The following COG5 variants were observed in gnomAD, a reference collection of about 807,000 sequenced individuals.
COG5 encodes conserved oligomeric Golgi complex subunit 5.
Under a neutral mutation model 110.4 loss-of-function variants are expected in COG5, and 86 were observed. That is an observed-to-expected ratio of 0.78 (90% CI 0.65 to 0.93). The LOEUF (loss-of-function observed/expected upper bound fraction) is 0.93, where lower values mean the gene tolerates loss of function less well. COG5 is among the 40% of genes least tolerant of loss of function. The pLI is 0.00. For synonymous variants in COG5, 360 were observed against 334.6 expected (o/e 1.08, Z -0.83); for missense variants, 1,077 against 987.0 (o/e 1.09, Z -1.22).
At position 107,298,122 on chromosome 7, in the gene COG5, G is replaced by A; in HGVS notation, c.1313+20C>T. The A allele has an allele frequency of 7.4e-7, 1 of 1,357,274 alleles. No individual in the cohort carries two copies. Among genetic ancestry groups the A allele is most frequent in the Non-Finnish European group, 1.0e-6 (1 of 994,644 alleles). The allele number at this position is 1,357,274 out of a possible 1,614,324, so 84.1% of individuals were successfully genotyped here. ...ATAAAATTAAGATGCCAACTAACAG[G>A]TCAAATTAAACAAACATACTCATAA... On this transcript the variant is annotated intron_variant, in intron 12 of 21. Coordinates refer to ENST00000297135, the MANE Select transcript of COG5 (RefSeq NM_006348.5).
At chr7:107,411,809 G>A (rs1269865056) in intron 7 of COG5, among the ~76,000 whole-genome samples, 3 of 152,122 alleles carry the variant, frequency 2.0e-5, no homozygotes, top group Non-Finnish European at 2.9e-5. Context: ...TGATTTAGAG[G>A]ATATGAAAAA....
intron 6 of COG5, among the ~76,000 whole-genome samples, chr7:107,482,908 C>T (rs554158207): frequency 7.2e-4 from 109 of 152,260 alleles, no homozygotes; most frequent in African/African-American, 2.6e-3. Flanking sequence ...TATTCTTGCA[C>T]ATTTTTGTTC....
At chr7:107,258,233 A>G (rs750645419) in intron 15 of COG5, 40 bp downstream of exon 15, 21 of 1,242,088 alleles carry the variant, frequency 1.7e-5, no homozygotes, top group Non-Finnish European at 2.4e-5. Flanking sequence ...GGCAAGAAGA[A>G]TTTAAAATTA....
chr7:107,454,621 A>G (rs999676569), intron 6 of COG5, among the ~76,000 whole-genome samples: 3 of 152,208 alleles, frequency 2.0e-5, no homozygotes, highest in African/African-American at 7.2e-5. Flanking sequence ...TTAAACCCAT[A>G]GTATCATAAG....
At chr7:107,336,389 A>C (rs1175893007) in intron 10 of COG5, among the ~76,000 whole-genome samples, 1 of 152,032 alleles carries the variant, frequency 6.6e-6, no homozygotes, top group African/African-American at 2.4e-5. Context: ...ATGCTGGAAA[A>C]AATCGAGGAG....
At chr7:107,224,368 AC>A (rs1297231422) in intron 19 of COG5, among the ~76,000 whole-genome samples, 1 of 152,224 alleles carries the variant, frequency 6.6e-6, no homozygotes, top group Non-Finnish European at 1.5e-5. Context: ...ATTGACAGGA[AC>A]ACTACATTCT....
At chr7:107,408,517 T>C (rs1351909071) in intron 7 of COG5, among the ~76,000 whole-genome samples, 2 of 152,230 alleles carry the variant, frequency 1.3e-5, no homozygotes, top group Non-Finnish European at 2.9e-5. Context: ...GGCTTCCTTT[T>C]AGTATGTGTT....
chr7:107,534,392 C>A (rs1326204407), intron 5 of COG5, among the ~76,000 whole-genome samples: 1 of 151,048 alleles, frequency 6.6e-6, no homozygotes, highest in Non-Finnish European at 1.5e-5. Flanking sequence ...GAGTTAAGAC[C>A]CATTCATGTG....
chr7:107,218,311 A>C (rs1799667755), intron 19 of COG5, among the ~76,000 whole-genome samples: 2 of 152,176 alleles, frequency 1.3e-5, no homozygotes, highest in Admixed American at 1.3e-4. Flanking sequence ...AATCCCTATG[A>C]AAATTCCAAT....
chr7:107,385,971 C>G (rs1358264055), intron 7 of COG5, among the ~76,000 whole-genome samples: 1 of 139,582 alleles, frequency 7.2e-6, no homozygotes, highest in East Asian at 2.1e-4. Flanking sequence ...GTCTTTTGCC[C>G]AGCTTTAAAC....
intron 7 of COG5, among the ~76,000 whole-genome samples, chr7:107,403,663 G>A (rs1791603696): frequency 6.6e-6 from 1 of 152,030 alleles, no homozygotes; most frequent in Non-Finnish European, 1.5e-5. Flanking sequence ...AAAATGAGGG[G>A]TAGAAGGAGA....
chr7:107,527,413 A>G, intron 5 of COG5, 56 bp from the exon 6 acceptor site: 1 of 1,583,418 alleles, frequency 6.3e-7, no homozygotes, highest in Non-Finnish European at 8.6e-7. Flanking sequence ...ATTACTATTA[A>G]TAAATAGTAA....
intron 6 of COG5, among the ~76,000 whole-genome samples, chr7:107,512,682 C>T (rs1584917536): frequency 1.3e-5 from 2 of 152,324 alleles, no homozygotes; most frequent in East Asian, 3.9e-4. Flanking sequence ...CAGCATGGTA[C>T]TGGTACCAAA....
chr7:107,381,591 G>A (rs560205994), intron 7 of COG5, among the ~76,000 whole-genome samples: 1 of 152,286 alleles, frequency 6.6e-6, no homozygotes, highest in African/African-American at 2.4e-5. Context: ...CTTTTCAAAA[G>A]ATGGTTTATA....
intron 10 of COG5, among the ~76,000 whole-genome samples, chr7:107,360,897 G>A (rs1013369000): frequency 1.3e-5 from 2 of 152,182 alleles, no homozygotes; most frequent in South Asian, 2.1e-4. Flanking sequence ...CGAGCCCAGC[G>A]GGCATGAGCG....
intron 6 of COG5, among the ~76,000 whole-genome samples, chr7:107,514,418 A>G (rs1427537812): frequency 6.6e-6 from 1 of 151,684 alleles, no homozygotes; most frequent in Non-Finnish European, 1.5e-5. Flanking sequence ...ATCAGAAGTC[A>G]TTTTCTCATT....
At chr7:107,224,562 G>C (rs1322973969) in intron 19 of COG5, among the ~76,000 whole-genome samples, 11 of 152,196 alleles carry the variant, frequency 7.2e-5, no homozygotes, top group Admixed American at 7.2e-4. Context: ...AGGTGGTGAG[G>C]CCTGCCTGAA....
At chr7:107,411,677 T>C (rs1792308112) in intron 7 of COG5, among the ~76,000 whole-genome samples, 1 of 152,152 alleles carries the variant, frequency 6.6e-6, no homozygotes, top group African/African-American at 2.4e-5. Context: ...TCAGTTATAT[T>C]TTAAAAATTA....
At chr7:107,229,904 G>A (rs1800655877) in intron 19 of COG5, among the ~76,000 whole-genome samples, 1 of 146,980 alleles carries the variant, frequency 6.8e-6, no homozygotes, top group South Asian at 2.1e-4. Flanking sequence ...AGGCTGGGGT[G>A]CACTGGCGTG....
Sources: allele counts gnomAD v4.1 joint callset (sites outside exome capture counted in the v4.1 genomes callset), GRCh38; gene constraint gnomAD v4.1.1; transcripts MANE v1.5; gene names NCBI Gene and HGNC (gene_info 2026-07-23, HGNC 2026-07-21).